The following SORCS2 variants were observed in gnomAD, a reference collection of about 807,000 sequenced individuals.
SORCS2 encodes the protein VPS10 domain-containing receptor SorCS2.
Under a neutral mutation model 141.6 loss-of-function variants are expected in SORCS2, and 100 were observed. The observed-to-expected ratio is 0.71, with a 90% CI of 0.60 to 0.83. The LOEUF (loss-of-function observed/expected upper bound fraction) is 0.83, where lower values mean the gene tolerates loss of function less well. Ranked by LOEUF, SORCS2 falls within the 40% of genes least tolerant of loss-of-function variation. The probability of loss-of-function intolerance (pLI) is 0.00; values close to 1 mark genes in which losing one functional copy is unlikely to be tolerated. For synonymous variants in SORCS2, 789 were observed against 676.9 expected (o/e 1.17, Z -2.57); for missense variants, 1,646 against 1,560.2 (o/e 1.05, Z -0.93).
At chr4:7,240,086 T>C (rs1164778709) in intron 1 of SORCS2, among the ~76,000 whole-genome samples, 1 of 152,190 alleles carries the variant, frequency 6.6e-6, no homozygotes. Flanking sequence ...CCTTCAAAGC[T>C]GGGGCCTGGG....
At chr4:7,576,984 G>A (rs965665364) in intron 3 of SORCS2, among the ~76,000 whole-genome samples, 2 of 152,230 alleles carry the variant, frequency 1.3e-5, no homozygotes, top group African/African-American at 4.8e-5. Flanking sequence ...GAAATGTCAT[G>A]GTTGTTGAAT....
intron 1 of SORCS2, among the ~76,000 whole-genome samples, chr4:7,330,842 A>G (rs1385210762): frequency 6.6e-6 from 1 of 150,640 alleles, no homozygotes; most frequent in Non-Finnish European, 1.5e-5. Context: ...CACCCCCAAC[A>G]CCTCTCCCAC....
chr4:7,695,182 T>C (rs1162980567), intron 11 of SORCS2, among the ~76,000 whole-genome samples: 1 of 149,668 alleles, frequency 6.7e-6, no homozygotes. Context: ...GGATGATCAA[T>C]TGGATGGATA....
At chr4:7,694,089 TG>T (rs1724441083) in intron 11 of SORCS2, among the ~76,000 whole-genome samples, 1 of 151,988 alleles carries the variant, frequency 6.6e-6, no homozygotes, top group Non-Finnish European at 1.5e-5. Context: ...GAAGTGTGGG[TG>T]GGGTAGATTT....
chr4:7,624,624 A>G (rs1464204509), intron 3 of SORCS2, among the ~76,000 whole-genome samples: 2 of 152,238 alleles, frequency 1.3e-5, no homozygotes, highest in African/African-American at 2.4e-5. Flanking sequence ...ACTGAGATAC[A>G]TTCCCTTGCC....
rs573929461 is a variant in SORCS2, at chr4:7,293,357, C to G, written c.480+100231C>G. On this transcript the variant is annotated intron_variant, in intron 1 of 26. Transcript: ENST00000507866. ...AGATGTCCCAGCCACCACCTTTGTC[C>G]CCTGACCGACTTCTCTCTTGGCTTC... Among the ~76,000 whole-genome samples, 4 of 152,080 alleles carry G rather than the reference C, an allele frequency of 2.6e-5. No homozygotes were observed. In the South Asian group the frequency reaches 8.3e-4, roughly 32 times the overall value.
intron 1 of SORCS2, among the ~76,000 whole-genome samples, chr4:7,376,653 T>G (rs1722675649): frequency 6.6e-6 from 1 of 152,240 alleles, no homozygotes; most frequent in African/African-American, 2.4e-5. Flanking sequence ...GCATATTTTT[T>G]TCTGGTTCAT....
chr4:7,290,058 G>A (rs942696767), intron 1 of SORCS2, among the ~76,000 whole-genome samples: 1 of 152,206 alleles, frequency 6.6e-6, no homozygotes, highest in Non-Finnish European at 1.5e-5. Flanking sequence ...TGCTGCCTCT[G>A]AGTGGCTCTG....
At chr4:7,693,572 C>T (rs969819129) in intron 11 of SORCS2, among the ~76,000 whole-genome samples, 2 of 152,258 alleles carry the variant, frequency 1.3e-5, no homozygotes, top group African/African-American at 4.8e-5. Context: ...TGTGTCCCAG[C>T]TGATCATCCA....
intron 3 of SORCS2, among the ~76,000 whole-genome samples, chr4:7,634,322 G>A (rs538024912): frequency 4.6e-5 from 7 of 151,728 alleles, no homozygotes; most frequent in African/African-American, 7.3e-5. Context: ...GCGGTAAGAC[G>A]AGATCGTGCC....
chr4:7,469,076 T>C (rs975195571), intron 2 of SORCS2, among the ~76,000 whole-genome samples: 1 of 151,916 alleles, frequency 6.6e-6, no homozygotes, highest in Non-Finnish European at 1.5e-5. Context: ...TAAGACATGA[T>C]GGTGATTATA....
At chr4:7,625,757 G>A (rs995315461) in intron 3 of SORCS2, among the ~76,000 whole-genome samples, 3 of 151,938 alleles carry the variant, frequency 2.0e-5, no homozygotes, top group Admixed American at 2.0e-4. Context: ...AAGAGAAGGA[G>A]GGAGGGAGGG....
chr4:7,733,323 G>T lies in SORCS2; in HGVS notation c.3110G>T (p.Arg1037Met). Residue 1037 changes from arginine (R) to methionine (M), a missense_variant and splice_region_variant, in exon 24 of 27, where the codon AGG (arginine) becomes ATG (methionine). Arg to Met is a moderately conservative substitution (Grantham distance 91, BLOSUM62 -1). Coordinates refer to ENST00000507866, the MANE Select transcript of SORCS2 (RefSeq NM_020777.3). ...TRKRSLSSDK[R>M]LAAIQQVLNA... ...TCACTGTCCCCTCTGTGCTTGCAGA[G>T]GCTCGCCGCCATCCAGCAGGTGCTG... 1 of 1,550,214 alleles carries T rather than the reference G, an allele frequency of 6.5e-7. No homozygotes were observed. Among genetic ancestry groups the T allele is most frequent in the Admixed American group, 2.0e-5 (1 of 51,264 alleles).
At chr4:7,714,150 C>T (rs932227239) in intron 15 of SORCS2, 90 bp from the exon 16 acceptor site, 1 of 1,494,856 alleles carries the variant, frequency 6.7e-7, no homozygotes. Flanking sequence ...CATCAGCCAT[C>T]TTCAGGCTCT....
At chr4:7,608,923 G>A (rs1337530709) in intron 3 of SORCS2, among the ~76,000 whole-genome samples, 1 of 152,136 alleles carries the variant, frequency 6.6e-6, no homozygotes, top group Admixed American at 6.5e-5. Context: ...ACCAGGGCCA[G>A]CATCAGGCAC....
chr4:7,640,395 TGA>T lies in SORCS2; in HGVS notation c.813+1905_813+1906del, dbSNP rs796985880. 1.8e-3 allele frequency among the ~76,000 whole-genome samples: 251 copies of T among 136,112 alleles called. 4 individuals carry two copies. The highest frequency in any genetic ancestry group is 8.2e-3 in the African/African-American group (237 of 28,862). The allele number at this position is 136,112 out of a possible 152,430, so 89.3% of individuals were successfully genotyped here. A position where few individuals can be genotyped will look rare whatever the true frequency, so the allele number is the denominator to read the frequency against. Reference sequence around the variant, plus strand: ...GAATGTACATGAGTGTGTGGGTGTGTGAGTGTGTGTGGGTGAGTGTGTGTGAT... The same window carrying T: ...GAATGTACATGAGTGTGTGGGTGTGTGTGTGTGTGGGTGAGTGTGTGTGAT... On this transcript the variant is annotated intron_variant, in intron 4 of 26. Coordinates refer to ENST00000507866, the MANE Select transcript of SORCS2 (RefSeq NM_020777.3).
chr4:7,562,809 C>G (rs1714695951), intron 3 of SORCS2, among the ~76,000 whole-genome samples: 1 of 152,180 alleles, frequency 6.6e-6, no homozygotes, highest in Admixed American at 6.5e-5. Context: ...CCACCCCACT[C>G]CATCTCTGCA....
At chr4:7,583,201 T>A (rs765937648) in intron 3 of SORCS2, among the ~76,000 whole-genome samples, 2 of 152,160 alleles carry the variant, frequency 1.3e-5, no homozygotes, top group Admixed American at 6.5e-5. Flanking sequence ...TCAGGTGCCT[T>A]CTAGTGCCTG....
chr4:7,247,095 T>C (rs28572485), intron 1 of SORCS2, among the ~76,000 whole-genome samples: 18,566 of 152,186 alleles, frequency 0.12, 1,807 homozygotes, highest in African/African-American at 0.28. Flanking sequence ...GCAGTGGGCC[T>C]ACCTGACCTG....
Sources: allele counts gnomAD v4.1 joint callset (sites outside exome capture counted in the v4.1 genomes callset), GRCh38; gene constraint gnomAD v4.1.1; transcripts MANE v1.5; gene names NCBI Gene and HGNC (gene_info 2026-07-23, HGNC 2026-07-21).